SYNJ2: variants seen among roughly 807,000 people sequenced by gnomAD.
SYNJ2 encodes the protein synaptojanin 2.
A neutral mutation model predicts 141.3 loss-of-function variants in SYNJ2; 116 were observed. The observed-to-expected ratio is 0.82, with a 90% CI of 0.71 to 0.96. The LOEUF (loss-of-function observed/expected upper bound fraction) is 0.96. Ranked by LOEUF, SYNJ2 falls within the 40% of genes least tolerant of loss-of-function variation. The pLI is 0.00. For missense variants in SYNJ2, 1,873 were observed against 1,934.8 expected, an observed-to-expected ratio of 0.97 and a Z score of 0.60; for synonymous variants, 745 against 777.7, an observed-to-expected ratio of 0.96 and a Z score of 0.70.
In SYNJ2 at chr6:158,064,961, G is replaced by C; in HGVS notation, c.1495G>C (p.Gly499Arg). The C allele has an allele frequency of 6.2e-7, 1 of 1,607,912 alleles. No individual in the cohort carries two copies. The highest frequency in any genetic ancestry group is 8.5e-7 in the Non-Finnish European group (1 of 1,177,070). ...VYGEEVADKG[G>R]MLLDSTALLV... is the part of the protein sequence containing the mutation. ...CGGCGAGGAGGTGGCAGACAAAGGGGGCATGCTGCTGGACAGCACGGCGCT... is the reference window on the plus strand; with the variant it reads ...CGGCGAGGAGGTGGCAGACAAAGGGCGCATGCTGCTGGACAGCACGGCGCT... The change falls in exon 11 of 27, where the codon GGC becomes CGC. Residue 499 changes from glycine to arginine, a missense_variant. By Grantham distance (125) the Gly-to-Arg change is moderately radical (BLOSUM62 -2). Coordinates refer to ENST00000355585, the MANE Select transcript of SYNJ2 (RefSeq NM_003898.4).
intron 1 of SYNJ2, among the ~76,000 whole-genome samples, chr6:157,997,034 C>CT (rs1383937690): frequency 6.9e-6 from 1 of 144,920 alleles, no homozygotes; most frequent in African/African-American, 2.7e-5. Context: ...CCCACCCCCC[C>CT]CCACCCAGCT....
chr6:158,071,013 C>T lies in SYNJ2; in HGVS notation c.1941-589C>T, dbSNP rs1750044. Among the ~76,000 whole-genome samples, 31,565 of 151,852 alleles carry T rather than the reference C, an allele frequency of 0.21. 3,514 individuals are homozygous for T. Among genetic ancestry groups the T allele is most frequent in the Admixed American group, 0.35 (5,399 of 15,254 alleles). ...GCCTGGCCAACATGGTGAAACCCTG[C>T]CTCTACTAAAAATACAAAAATTAGC... On this transcript the variant is annotated intron_variant, in intron 14 of 26. Transcript: ENST00000355585. The surrounding 1 kb of genome is among the most constrained non-coding windows in gnomAD (Gnocchi z 4.3).
Position 158,084,696 on chromosome 6 carries a change from C to T in SYNJ2, c.3208+522C>T, listed in dbSNP as rs1471042970. Among the ~76,000 whole-genome samples the T allele has an allele frequency of 6.6e-6, 1 of 151,974 alleles. No individual in the cohort carries two copies. Among genetic ancestry groups the T allele is most frequent in the Non-Finnish European group, 1.5e-5 (1 of 68,020 alleles). On this transcript the variant is annotated intron_variant, in intron 22 of 26. Transcript: ENST00000355585. This position sits in a 1 kb window ranked among gnomAD's most constrained non-coding sequence, Gnocchi z 5.0. The stretch of plus-strand genomic sequence containing the variant: ...ATGGTGGTGCACATGCCTGTAATCC[C>T]AGCTACTCAGGCAGCTGAAGCAGGA...
At chr6:158,067,472 A>T in intron 12 of SYNJ2, 1 of 985,466 alleles carries the variant, frequency 1.0e-6, no homozygotes, top group Non-Finnish European at 1.2e-6. Context: ...TTATCTTGTA[A>T]GATACACTAT....
Position 158,096,096 on chromosome 6 carries a change from T to C in SYNJ2, c.4223T>C (p.Leu1408Pro), listed in dbSNP as rs1183009466. The stretch of plus-strand genomic sequence containing the variant: ...ATGAAGCCAGAGGCAGCCCCACTTC[T>C]TGGTGATTATCAGGACCCCTTCTGG... The part of the protein sequence containing the change: ...KAMKPEAAPL[L>P]GDYQDPFWNL... The change falls in exon 27 of 27, where the codon CTT becomes CCT. Residue 1408 changes from leucine (L) to proline (P), a missense_variant. Physicochemically the swap from Leu to Pro is moderately conservative, Grantham distance 98 (BLOSUM62 -3). Coordinates refer to ENST00000355585, the MANE Select transcript of SYNJ2 (RefSeq NM_003898.4). 1 of 1,614,240 alleles carries C rather than the reference T, an allele frequency of 6.2e-7. No individual in the cohort carries two copies. Among genetic ancestry groups the C allele is most frequent in the Non-Finnish European group, 8.5e-7 (1 of 1,180,028 alleles).
intron 4 of SYNJ2, among the ~76,000 whole-genome samples, chr6:158,039,391 T>C (rs1779814951): frequency 6.6e-6 from 1 of 152,180 alleles, no homozygotes; most frequent in Non-Finnish European, 1.5e-5. Context: ...CTTGCTGAGC[T>C]CAGGGAAGCA....
intron 16 of SYNJ2, among the ~76,000 whole-genome samples, 185 bp downstream of exon 16, chr6:158,074,923 CTTTTTTTTTT>C (rs66487650): frequency 0.19 from 27,176 of 144,280 alleles, 2,868 homozygotes; most frequent in East Asian, 0.27. Context: ...ACTTCCTGTC[CTTTTTTTTTT>C]TTTTTTTTTT....
At chr6:158,003,143 G>A (rs956771551) in intron 1 of SYNJ2, among the ~76,000 whole-genome samples, 2 of 152,216 alleles carry the variant, frequency 1.3e-5, no homozygotes, top group Non-Finnish European at 2.9e-5. Context: ...TGGGCATGGC[G>A]TTGGTGGGAG....
intron 4 of SYNJ2, among the ~76,000 whole-genome samples, chr6:158,037,341 C>A (rs1191476110): frequency 2.6e-5 from 4 of 151,860 alleles, no homozygotes; most frequent in African/African-American, 9.7e-5. Context: ...CTGTGTCTCT[C>A]CAGGACTCCA....
intron 1 of SYNJ2, among the ~76,000 whole-genome samples, chr6:157,983,667 G>A (rs1204052588): frequency 1.3e-5 from 2 of 152,070 alleles, no homozygotes; most frequent in East Asian, 3.8e-4. Context: ...TTTCCATTAG[G>A]AGCTGAAGTT....
chr6:158,090,800 C>A (rs908929306), intron 25 of SYNJ2, among the ~76,000 whole-genome samples: 1 of 151,544 alleles, frequency 6.6e-6, no homozygotes, highest in African/African-American at 2.4e-5. Flanking sequence ...CCACCTTGGC[C>A]TCCTAAAGTG....
chr6:158,075,334 G>A (rs796969408), intron 16 of SYNJ2, among the ~76,000 whole-genome samples: 6 of 152,048 alleles, frequency 3.9e-5, no homozygotes, highest in African/African-American at 1.4e-4. Flanking sequence ...TAGCTGTGGA[G>A]AAAGAAGCTG....
chr6:157,989,487 C>A (rs1203337909), intron 1 of SYNJ2, among the ~76,000 whole-genome samples: 1 of 137,110 alleles, frequency 7.3e-6, no homozygotes, highest in East Asian at 2.2e-4. Flanking sequence ...CTCCCTTTGT[C>A]CTGTTGTCTC....
In SYNJ2 at chr6:158,076,796, G is replaced by T. The variant is rs1782323809; in HGVS notation, c.2449+14G>T. On this transcript the variant is annotated intron_variant, in intron 17 of 26. Transcript: ENST00000355585. The stretch of plus-strand genomic sequence containing the variant: ...TTGATAAAACAGGTGAGGGGGCCGT[G>T]CCCGTTCGAGAGTCGGCAGAGGGTG... 6.3e-7 allele frequency: 1 copy of T among 1,599,296 alleles called. No homozygotes were observed. The highest frequency in any genetic ancestry group is 1.1e-5 in the South Asian group (1 of 90,360).
chr6:158,002,196 A>G (rs1440477341), intron 1 of SYNJ2: 1 of 152,304 alleles, frequency 6.6e-6, no homozygotes, highest in East Asian at 1.9e-4. Flanking sequence ...TGCCTGGCAC[A>G]CAGTGGGCAT....
chr6:158,037,324 T>C (rs1477466423), intron 4 of SYNJ2, among the ~76,000 whole-genome samples: 1 of 151,568 alleles, frequency 6.6e-6, no homozygotes, highest in African/African-American at 2.4e-5. Context: ...CGTGTGGCCT[T>C]CTCTGCCTGT....
intron 3 of SYNJ2, 120 bp downstream of exon 3, chr6:158,029,146 G>A: frequency 6.7e-6 from 9 of 1,339,764 alleles, no homozygotes; most frequent in Non-Finnish European, 7.1e-6. Flanking sequence ...GGGCACCTCT[G>A]GAGAGTTAGG....
intron 2 of SYNJ2, among the ~76,000 whole-genome samples, chr6:158,019,616 C>T (rs751387692): frequency 1.3e-5 from 2 of 152,088 alleles, no homozygotes; most frequent in Non-Finnish European, 2.9e-5. Context: ...CAGCCAGTCC[C>T]CGCCACCCCA....
intron 18 of SYNJ2, among the ~76,000 whole-genome samples, chr6:158,079,515 GGC>G (rs1782542618): frequency 6.6e-6 from 1 of 151,918 alleles, no homozygotes; most frequent in African/African-American, 2.4e-5. Context: ...TGGGATTACA[GGC>G]GTGCATCACC....
Sources: gnomAD v4.1 joint callset for allele counts (sites outside exome capture counted in the v4.1 genomes callset) on GRCh38, gnomAD v4.1.1 for gene constraint, Gnocchi (gnomAD v3.1) non-coding constraint, MANE v1.5 for transcripts, NCBI Gene and HGNC (gene_info 2026-07-23, HGNC 2026-07-21) for gene names.